Variants in GALNT1 observed in about 807,000 individuals in gnomAD.
GALNT1 encodes the protein polypeptide N-acetylgalactosaminyltransferase 1.
In GALNT1, 17 loss-of-function variants were observed where a neutral mutation model predicts 65.7. That is an observed-to-expected ratio of 0.26 (90% CI 0.18 to 0.39). The LOEUF (loss-of-function observed/expected upper bound fraction) is 0.39. Ranked by LOEUF, GALNT1 falls within the 10% of genes least tolerant of loss-of-function variation. The pLI is 1.00. For missense variants in GALNT1, 460 were observed against 672.8 expected (o/e 0.68, Z 3.50); for synonymous variants, 210 against 219.7 (o/e 0.96, Z 0.39).
rs1383855518 is a variant in GALNT1, at chr18:35,711,182, G to A, written c.*1412G>A. ...AATTAAAAGGTAACCTTTTAATCTC[G>A]TAGGAGGAATCTCATTAAGACATTT... On this transcript the variant is annotated 3_prime_UTR_variant, in exon 12 of 12. Coordinates refer to ENST00000269195, the MANE Select transcript of GALNT1 (RefSeq NM_020474.4). 2 of 152,092 alleles carry A rather than the reference G, an allele frequency of 1.3e-5. No individual in the cohort carries two copies. Among genetic ancestry groups the A allele is most frequent in the Admixed American group, 1.3e-4 (2 of 15,262 alleles). 9.4% of individuals were successfully genotyped at this position (152,092 alleles called of 1,614,324 possible).
intron 1 of GALNT1, among the ~76,000 whole-genome samples, chr18:35,654,075 G>A (rs915758788): frequency 1.3e-5 from 2 of 152,156 alleles, no homozygotes; most frequent in South Asian, 4.1e-4. Context: ...GAAATGCACT[G>A]GGAATCACTA....
chr18:35,630,715 A>G (rs1425678706), intron 1 of GALNT1, among the ~76,000 whole-genome samples: 17 of 152,144 alleles, frequency 1.1e-4, no homozygotes, highest in Admixed American at 2.6e-4. Context: ...GAGCAGAACT[A>G]AAGGAGATAG....
chr18:35,694,118 T>C (rs1305425996), intron 9 of GALNT1, among the ~76,000 whole-genome samples: 1 of 152,158 alleles, frequency 6.6e-6, no homozygotes, highest in African/African-American at 2.4e-5. Context: ...GGACATGTTA[T>C]CAGTAGCCTA....
intron 2 of GALNT1, among the ~76,000 whole-genome samples, chr18:35,658,951 C>G (rs2047437424): frequency 6.6e-6 from 1 of 152,142 alleles, no homozygotes; most frequent in Non-Finnish European, 1.5e-5. Flanking sequence ...CTCAGGTGAT[C>G]TGCCTGTTTC....
intron 9 of GALNT1, among the ~76,000 whole-genome samples, chr18:35,697,130 A>G (rs2048071339): frequency 6.6e-6 from 1 of 152,160 alleles, no homozygotes; most frequent in East Asian, 1.9e-4. Context: ...GGGTCTGTGG[A>G]TAAAGGAAAG....
At chr18:35,611,639 T>TA (rs1211841560) in intron 1 of GALNT1, among the ~76,000 whole-genome samples, 2 of 152,182 alleles carry the variant, frequency 1.3e-5, no homozygotes, top group Non-Finnish European at 2.9e-5. Flanking sequence ...TGGGAATTGG[T>TA]AATCTAATTG....
At chr18:35,631,787 T>C (rs896449289) in intron 1 of GALNT1, among the ~76,000 whole-genome samples, 5 of 152,224 alleles carry the variant, frequency 3.3e-5, no homozygotes, top group Non-Finnish European at 7.3e-5. Flanking sequence ...GCAGATGACA[T>C]GATTGTATAT....
At chr18:35,681,086 T>G (rs897651269) in intron 4 of GALNT1, among the ~76,000 whole-genome samples, 1 of 152,168 alleles carries the variant, frequency 6.6e-6, no homozygotes, top group African/African-American at 2.4e-5. Context: ...TCTCTACTAC[T>G]CCTTAGAGTT....
intron 9 of GALNT1, among the ~76,000 whole-genome samples, chr18:35,693,331 T>TG (rs1295666497): frequency 6.6e-6 from 1 of 152,116 alleles, no homozygotes; most frequent in Non-Finnish European, 1.5e-5. Context: ...GGGAGACCAG[T>TG]TGTCTGGAAT....
At chr18:35,685,832 C>G (rs529259274) in intron 5 of GALNT1, among the ~76,000 whole-genome samples, 1 of 152,130 alleles carries the variant, frequency 6.6e-6, no homozygotes, top group Non-Finnish European at 1.5e-5. Flanking sequence ...TTTGGGAGAC[C>G]GAGGTGGGCA....
intron 1 of GALNT1, among the ~76,000 whole-genome samples, chr18:35,647,971 C>G (rs921993058): frequency 6.6e-6 from 1 of 151,460 alleles, no homozygotes; most frequent in Non-Finnish European, 1.5e-5. Flanking sequence ...CACTTGAGAC[C>G]AGGAATTCAA....
intron 8 of GALNT1, among the ~76,000 whole-genome samples, chr18:35,691,857 A>G (rs571192611): frequency 2.2e-4 from 33 of 152,322 alleles, no homozygotes; most frequent in South Asian, 6.2e-4. Context: ...CCTGACTGCA[A>G]ACAATTGCTC....
At chr18:35,660,152 G>T (rs1344791922) in intron 2 of GALNT1, among the ~76,000 whole-genome samples, 1 of 152,140 alleles carries the variant, frequency 6.6e-6, no homozygotes, top group Admixed American at 6.5e-5. Flanking sequence ...TGTTAATTGT[G>T]TAGTAAGATC....
intron 2 of GALNT1, among the ~76,000 whole-genome samples, chr18:35,655,300 A>C (rs1305337303): frequency 6.6e-6 from 1 of 151,352 alleles, no homozygotes; most frequent in Non-Finnish European, 1.5e-5. Context: ...TTTAGGGAGA[A>C]CTTTTTTGAA....
At chr18:35,581,166 G>C (rs1020693189), upstream of GALNT1, 6 of 151,652 alleles carry the variant, frequency 4.0e-5, no homozygotes, top group African/African-American at 1.5e-4. Context: ...CCGCTGTGAG[G>C]GCTCCTCCAT....
intron 1 of GALNT1, among the ~76,000 whole-genome samples, chr18:35,628,433 C>T (rs185093036): frequency 2.8e-4 from 43 of 152,290 alleles, no homozygotes; most frequent in African/African-American, 6.0e-4. Flanking sequence ...CTGCAGCCTC[C>T]GCTGCTGATA....
intron 5 of GALNT1, among the ~76,000 whole-genome samples, chr18:35,685,238 A>G (rs1252646036): frequency 2.6e-5 from 4 of 152,214 alleles, no homozygotes; most frequent in African/African-American, 7.2e-5. Flanking sequence ...ACGTGCACGT[A>G]TGCGTGTAAA....
intron 1 of GALNT1, among the ~76,000 whole-genome samples, chr18:35,622,767 G>A (rs1346612150): frequency 6.6e-6 from 1 of 151,204 alleles, no homozygotes; most frequent in East Asian, 1.9e-4. Flanking sequence ...GTACATTGTT[G>A]ACAGGAAGAA....
intron 6 of GALNT1, among the ~76,000 whole-genome samples, chr18:35,688,163 AT>A (rs1266023021): frequency 2.6e-5 from 4 of 152,214 alleles, no homozygotes; most frequent in African/African-American, 9.6e-5. Context: ...CATGCAGAAG[AT>A]TTAGCACACA....
Sources: allele counts gnomAD v4.1 joint callset (sites outside exome capture counted in the v4.1 genomes callset), GRCh38; gene constraint gnomAD v4.1.1; transcripts MANE v1.5; gene names NCBI Gene and HGNC (gene_info 2026-07-23, HGNC 2026-07-21).